The following RGS9 variants were observed in gnomAD, a reference collection of about 807,000 sequenced individuals.
RGS9 encodes regulator of G protein signaling 9.
In RGS9, 78 loss-of-function variants were observed where a neutral mutation model predicts 102.0. The observed-to-expected ratio is 0.76, with a 90% CI of 0.64 to 0.92. The LOEUF (loss-of-function observed/expected upper bound fraction) is 0.92, where lower values mean the gene tolerates loss of function less well. Ranked by LOEUF, RGS9 falls within the 40% of genes least tolerant of loss-of-function variation. The pLI, the probability that RGS9 is intolerant of heterozygous loss-of-function variation, is 0.00. For missense variants in RGS9, 833 were observed against 866.1 expected, an observed-to-expected ratio of 0.96 and a Z score of 0.48; for synonymous variants, 353 against 318.6, an observed-to-expected ratio of 1.11 and a Z score of -1.15.
Position 65,173,079 on chromosome 17 carries a change from C to T in RGS9, c.583-4653C>T, listed in dbSNP as rs1008315159. Among the ~76,000 whole-genome samples, 6 of 151,958 alleles carry T rather than the reference C, an allele frequency of 3.9e-5. No individual in the cohort carries two copies. The highest frequency in any genetic ancestry group is 6.6e-5 in the Admixed American group (1 of 15,248). ...CTGGAATTACAGGTGTGCGCCACCTCGCCTGGCTAATTTTTTGTATCTTTA... is the reference window on the plus strand; with the variant it reads ...CTGGAATTACAGGTGTGCGCCACCTTGCCTGGCTAATTTTTTGTATCTTTA... On this transcript the variant is annotated intron_variant, in intron 8 of 18. Transcript: ENST00000262406. The surrounding 1 kb of genome is among the most constrained non-coding windows in gnomAD (Gnocchi z 4.8).
intron 17 of RGS9, among the ~76,000 whole-genome samples, chr17:65,210,850 A>C (rs1187541455): frequency 6.6e-6 from 1 of 152,126 alleles, no homozygotes; most frequent in Non-Finnish European, 1.5e-5. Flanking sequence ...AAGCCCACTC[A>C]TCAGGGGACA....
At chr17:65,163,251 T>A (rs1007654910) in intron 7 of RGS9, among the ~76,000 whole-genome samples, 162 bp downstream of exon 7, 1 of 150,804 alleles carries the variant, frequency 6.6e-6, no homozygotes, top group East Asian at 1.9e-4. Context: ...CTCGGCTCAC[T>A]GCAACCTCCG....
chr17:65,174,539 ATG>A (rs1911547268), intron 8 of RGS9, among the ~76,000 whole-genome samples: 1 of 151,670 alleles, frequency 6.6e-6, no homozygotes, highest in Non-Finnish European at 1.5e-5. Context: ...GAGTGTGTAG[ATG>A]TGTACATGTA....
At chr17:65,220,337 G>A (rs1913660676) in intron 17 of RGS9, among the ~76,000 whole-genome samples, 1 of 152,198 alleles carries the variant, frequency 6.6e-6, no homozygotes, top group South Asian at 2.1e-4. Flanking sequence ...GGGAGGAGGG[G>A]GAGAAGTTGA....
chr17:65,152,778 G>A (rs893164466), intron 1 of RGS9, among the ~76,000 whole-genome samples: 25 of 152,196 alleles, frequency 1.6e-4, no homozygotes, highest in Admixed American at 8.5e-4. Flanking sequence ...CGATCCTCCC[G>A]CCTCTGCCTC....
intron 9 of RGS9, among the ~76,000 whole-genome samples, chr17:65,183,113 TAC>T (rs1911963089): frequency 6.7e-6 from 1 of 148,636 alleles, no homozygotes; most frequent in Admixed American, 6.7e-5. Context: ...TCTATCTACC[TAC>T]CTACCTACAT....
intron 2 of RGS9, among the ~76,000 whole-genome samples, chr17:65,156,007 A>T (rs113858200): frequency 5.3e-5 from 8 of 151,744 alleles, no homozygotes; most frequent in African/African-American, 1.9e-4. Flanking sequence ...TCCAGAGTCC[A>T]TATATATATT....
chr17:65,174,366 AGT>A lies in RGS9; in HGVS notation c.583-3362_583-3361del, dbSNP rs1400263751. On this transcript the variant is annotated intron_variant, in intron 8 of 18. Coordinates refer to ENST00000262406, the MANE Select transcript of RGS9 (RefSeq NM_003835.4). ...GCATCATGAGCACAGGCTGTGTGTG[AGT>A]GTGAGTGCATGTCAGTATGTCTGGG... Among the ~76,000 whole-genome samples, 3 of 152,078 alleles carry A rather than the reference AGT, an allele frequency of 2.0e-5. No homozygotes were observed. The East Asian group carries it at 5.8e-4, about 29-fold the overall frequency.
chr17:65,157,413 C>T (rs898388502), intron 2 of RGS9, among the ~76,000 whole-genome samples: 1 of 151,814 alleles, frequency 6.6e-6, no homozygotes, highest in Non-Finnish European at 1.5e-5. Context: ...TCTGTGGGGT[C>T]GTACGGCAGC....
chr17:65,225,303 C>A lies in RGS9; in HGVS notation c.1709C>A (p.Pro570His). The A allele has an allele frequency of 6.2e-7, 1 of 1,609,832 alleles. No individual in the cohort carries two copies. The highest frequency in any genetic ancestry group is 8.5e-7 in the Non-Finnish European group (1 of 1,179,986). ...SLDTSWPRSR[P>H]RAPPKARMAL... ...GACACCTCCTGGCCTCGCAGCCGGCCCAGGGCCCCTCCTAAGGCCCGCATG... is the reference window on the plus strand; with the variant it reads ...GACACCTCCTGGCCTCGCAGCCGGCACAGGGCCCCTCCTAAGGCCCGCATG... The change falls in exon 18 of 19, where the codon CCC becomes CAC. Residue 570 changes from proline to histidine, a missense_variant. Physicochemically the swap from Pro to His is moderately conservative, Grantham distance 77. Coordinates refer to ENST00000262406, the MANE Select transcript of RGS9 (RefSeq NM_003835.4).
intron 18 of RGS9, 98 bp from the exon 19 acceptor site, chr17:65,227,177 C>A: frequency 6.4e-7 from 1 of 1,552,904 alleles, no homozygotes; most frequent in Non-Finnish European, 8.9e-7. Context: ...GCAAATGCAC[C>A]TGGTATGTTC....
intron 1 of RGS9, among the ~76,000 whole-genome samples, chr17:65,138,230 T>C (rs1909987454): frequency 6.6e-6 from 1 of 152,196 alleles, no homozygotes; most frequent in Non-Finnish European, 1.5e-5. Flanking sequence ...TGGGGTGATG[T>C]GTTTGGGGAC....
At chr17:65,165,429 G>A (rs1375060763) in intron 7 of RGS9, among the ~76,000 whole-genome samples, 1 of 151,956 alleles carries the variant, frequency 6.6e-6, no homozygotes, top group African/African-American at 2.4e-5. Context: ...TCAGATTTAG[G>A]GTCTCAGCAC....
At chr17:65,222,940 C>T (rs961387033) in intron 17 of RGS9, among the ~76,000 whole-genome samples, 3 of 152,132 alleles carry the variant, frequency 2.0e-5, no homozygotes, top group Non-Finnish European at 4.4e-5. Context: ...ATCCCGCGAG[C>T]GATGACTGCG....
At chr17:65,185,596 AGGTAGAGGTG>A (rs1301839047) in intron 9 of RGS9, 1 of 152,370 alleles carries the variant, frequency 6.6e-6, no homozygotes, top group Non-Finnish European at 1.5e-5. Flanking sequence ...GGACAATCCA[AGGTAGAGGTG>A]GGAAAGTCTC....
At chr17:65,188,370 G>A (rs1912216525) in intron 9 of RGS9, among the ~76,000 whole-genome samples, 1 of 152,150 alleles carries the variant, frequency 6.6e-6, no homozygotes, top group Admixed American at 6.5e-5. Context: ...AAGGGGATGG[G>A]GCCTGATTCC....
At chr17:65,195,068 C>T (rs751735206) in intron 12 of RGS9, among the ~76,000 whole-genome samples, 5 of 152,180 alleles carry the variant, frequency 3.3e-5, no homozygotes, top group Non-Finnish European at 5.9e-5. Flanking sequence ...TTCCCTTATC[C>T]TCTTTGGGCT....
intron 9 of RGS9, among the ~76,000 whole-genome samples, chr17:65,182,415 C>T (rs564076824): frequency 2.1e-4 from 32 of 152,310 alleles, no homozygotes; most frequent in African/African-American, 6.7e-4. Context: ...CGTTGACCTC[C>T]GTTTCACGGT....
chr17:65,227,095 A>T (rs1905720492), intron 18 of RGS9, among the ~76,000 whole-genome samples, 180 bp from the exon 19 acceptor site: 1 of 152,186 alleles, frequency 6.6e-6, no homozygotes, highest in African/African-American at 2.4e-5. Context: ...CACCAAGCCA[A>T]TCACTGCACA....
Sources: gnomAD v4.1 joint callset for allele counts (sites outside exome capture counted in the v4.1 genomes callset) on GRCh38, gnomAD v4.1.1 for gene constraint, Gnocchi (gnomAD v3.1) non-coding constraint, MANE v1.5 for transcripts, NCBI Gene and HGNC (gene_info 2026-07-23, HGNC 2026-07-21) for gene names.